Variants in CSAD observed in about 807,000 individuals in gnomAD.
CSAD encodes the protein cysteine sulfinic acid decarboxylase, also known as P-selectin cytoplasmic tail-associated protein.
Under a neutral mutation model 61.5 loss-of-function variants are expected in CSAD, and 47 were observed. The ratio of observed to expected loss-of-function variants is 0.76; its 90% CI spans 0.60 to 0.97. The LOEUF (loss-of-function observed/expected upper bound fraction) is 0.97, where lower values mean the gene tolerates loss of function less well. Among genes scored for constraint, CSAD ranks in the 50% least tolerant of loss-of-function variants. The pLI is 0.00. For synonymous variants in CSAD, 245 were observed against 252.7 expected (o/e 0.97, Z 0.29); for missense variants, 611 against 643.6 (o/e 0.95, Z 0.55).
At chr12:53,161,215 GGGCCTT>G in intron 11 of CSAD, 24 bp from the exon 12 acceptor site, 1 of 1,614,078 alleles carries the variant, frequency 6.2e-7, no homozygotes. Flanking sequence ...GGAACAACGT[GGGCCTT>G]GGCCTTGGCT....
intron 10 of CSAD, among the ~76,000 whole-genome samples, chr12:53,163,441 C>T (rs1157991268): frequency 6.6e-6 from 1 of 152,094 alleles, no homozygotes; most frequent in Non-Finnish European, 1.5e-5. Context: ...TTCCATCAAA[C>T]ATTTAATGAA....
intron 13 of CSAD, 113 bp downstream of exon 13, chr12:53,160,650 C>T: frequency 2.1e-6 from 2 of 942,876 alleles, no homozygotes; most frequent in East Asian, 5.2e-5. Flanking sequence ...GATGCAGCTT[C>T]AGAAGGGATG....
At chr12:53,159,762 T>C in intron 15 of CSAD, 50 bp from the exon 16 acceptor site, 2 of 1,548,056 alleles carry the variant, frequency 1.3e-6, no homozygotes, top group East Asian at 2.3e-5. Flanking sequence ...GGGGGACCGT[T>C]TTCCCTCTCC....
At chr12:53,165,290 A>G (rs1939776552) in intron 10 of CSAD, among the ~76,000 whole-genome samples, 2 of 151,960 alleles carry the variant, frequency 1.3e-5, no homozygotes, top group African/African-American at 2.4e-5. Context: ...GCAGTGAACC[A>G]TGATCGCACC....
At position 53,180,825 on chromosome 12, in the gene CSAD, C is replaced by T; in HGVS notation, c.-184G>A. Reference sequence around the variant, plus strand: ...GCGCGGCCAGGGAGCCAGCGGGAGGCCGCGCCTGGCAGGTAGGAGCAAGCC... The same window carrying T: ...GCGCGGCCAGGGAGCCAGCGGGAGGTCGCGCCTGGCAGGTAGGAGCAAGCC... On this transcript the variant is annotated 5_prime_UTR_variant, in exon 1 of 17. Coordinates refer to ENST00000444623, the MANE Select transcript of CSAD (RefSeq NM_001244705.2). The T allele has an allele frequency of 7.9e-7, 1 of 1,271,154 alleles. No individual in the cohort carries two copies. Among genetic ancestry groups the T allele is most frequent in the East Asian group, 6.5e-5 (1 of 15,324 alleles). The allele number at this position is 1,271,154 out of a possible 1,614,324, so 78.7% of individuals were successfully genotyped here.
chr12:53,181,198 C>T (rs1941611950), upstream of CSAD: 12 of 985,326 alleles, frequency 1.2e-5, no homozygotes, highest in Middle Eastern at 5.2e-4. Context: ...GCCTGCCTGT[C>T]CTCCACCTCC....
At chr12:53,162,703 G>C (rs771517056) in intron 10 of CSAD, among the ~76,000 whole-genome samples, 1 of 151,482 alleles carries the variant, frequency 6.6e-6, no homozygotes, top group Non-Finnish European at 1.5e-5. Context: ...CAGGAGAATT[G>C]CTTGAGCCTA....
At chr12:53,180,548 C>T in intron 1 of CSAD, 184 bp downstream of exon 1, 1 of 1,279,452 alleles carries the variant, frequency 7.8e-7, no homozygotes, top group Non-Finnish European at 1.0e-6. Context: ...GCCCTCGGCG[C>T]ACGGCGCCGC....
chr12:53,170,035 G>A (rs950215186), intron 10 of CSAD, 37 bp downstream of exon 10: 1 of 1,580,306 alleles, frequency 6.3e-7, no homozygotes, highest in Non-Finnish European at 8.7e-7. Context: ...CAAGACAGTT[G>A]GAGGCTATAT....
upstream of CSAD, chr12:53,181,250 C>A: frequency 1.0e-6 from 1 of 985,450 alleles, no homozygotes; most frequent in Non-Finnish European, 1.2e-6. Flanking sequence ...GGAGAACGCA[C>A]ACGTGTGGGC....
chr12:53,160,139 GGTCGAT>G lies in CSAD; in HGVS notation c.1141_1146del (p.Ile381_Asp382del). 6.2e-7 allele frequency: 1 copy of G among 1,613,522 alleles called. No individual in the cohort carries two copies. The highest frequency in any genetic ancestry group is 8.5e-7 in the Non-Finnish European group (1 of 1,180,036). ...GCCTACCGGGCAAGGACAAAGGCCT[GGTCGAT>G]GCGCCGCTCCAGCCCTTGATCGCCC... is the stretch of plus-strand genomic sequence containing the variant. On this transcript the variant is annotated inframe_deletion, in exon 14 of 17. Transcript: ENST00000444623.
At chr12:53,165,119 G>C (rs1017372982) in intron 10 of CSAD, among the ~76,000 whole-genome samples, 4 of 152,064 alleles carry the variant, frequency 2.6e-5, no homozygotes, top group African/African-American at 9.7e-5. Context: ...TAGGAGTTTT[G>C]AGACCAGCCT....
rs762684568 is a variant in CSAD at position 53,170,088 on chromosome 12, C to G, written c.686G>C (p.Gly229Ala). Residue 229 changes from glycine to alanine, a missense_variant, in exon 10 of 17, where the codon GGT becomes GCT. By Grantham distance (60) the Gly-to-Ala change is moderately conservative (BLOSUM62 0). Coordinates refer to ENST00000444623, the MANE Select transcript of CSAD (RefSeq NM_001244705.2). ...MVPEDLERQI[G>A]MAEAEGAVPF... ...CTGACTCACCTCAGCCTCGGCCATA[C>G]CAATCTGCCTCTCCAGATCCTCGGG... is the stretch of plus-strand genomic sequence containing the variant. 1.9e-6 allele frequency: 3 copies of G among 1,614,132 alleles called. No individual in the cohort carries two copies. The highest frequency in any genetic ancestry group is 2.5e-6 in the Non-Finnish European group (3 of 1,180,004).
rs137900324 is a variant in CSAD at position 53,179,621 on chromosome 12, TTTCAATG to T, written c.-90-486_-90-480del. ...TGATCCTAAAACACAAAAAACGTAC[TTTCAATG>T]GCCCAAATCATGGAGTGGCTCAGGG... On this transcript the variant is annotated intron_variant, in intron 1 of 16. Transcript: ENST00000444623. The T allele has an allele frequency of 8.9e-3, 5,833 of 657,058 alleles. 254 individuals are homozygous for T. The African/African-American group carries it at 0.094, about 11-fold the overall frequency. The allele number at this position is 657,058 out of a possible 1,614,324, so 40.7% of individuals were successfully genotyped here. A position where few individuals can be genotyped will look rare whatever the true frequency, so the allele number is the denominator to read the frequency against.
chr12:53,161,749 G>C (rs1482534691), intron 10 of CSAD, among the ~76,000 whole-genome samples: 1 of 152,104 alleles, frequency 6.6e-6, no homozygotes, highest in Non-Finnish European at 1.5e-5. Context: ...CTGAGGCCAG[G>C]AGTTCAAGAC....
At chr12:53,180,510 G>A in intron 1 of CSAD, 2 of 1,264,960 alleles carry the variant, frequency 1.6e-6, no homozygotes, top group Non-Finnish European at 2.0e-6. Context: ...CACGGCGCAC[G>A]CGCCGGCCTC....
chr12:53,159,516 G>A lies in CSAD; in HGVS notation c.1308+107C>T, dbSNP rs990457459. 9 of 875,902 alleles carry A rather than the reference G, an allele frequency of 1.0e-5. No individual in the cohort carries two copies. In the African/African-American group the frequency reaches 1.5e-4, roughly 15 times the overall value. The allele number at this position is 875,902 out of a possible 1,614,324, so 54.3% of individuals were successfully genotyped here. On this transcript the variant is annotated intron_variant, in intron 16 of 16. Coordinates refer to ENST00000444623, the MANE Select transcript of CSAD (RefSeq NM_001244705.2). ...AGAGAGCATCCACGCCTCAGAGCAA[G>A]AGACCAGCAAGGAGACCTGCCATGC...
Position 53,171,929 on chromosome 12 carries a change from A to C in CSAD, c.404T>G (p.Leu135Arg). 1.2e-6 allele frequency: 2 copies of C among 1,613,826 alleles called. No individual in the cohort carries two copies. The change falls in exon 7 of 17, where the codon CTG (leucine) becomes CGG (arginine). Residue 135 changes from leucine (L) to arginine (R), a missense_variant. Coordinates refer to ENST00000444623, the MANE Select transcript of CSAD (RefSeq NM_001244705.2). ...VLMEEEVLRKLRALVGWSSGD... is the reference protein window; with the variant it reads ...VLMEEEVLRKRRALVGWSSGD... ...AGAGCTCCAGCCCACCAGGGCCCGC[A>C]GTTTCCTCAGCACCTCCTCTTCCAT...
At position 53,160,613 on chromosome 12, in the gene CSAD, C is replaced by T. The variant is rs560788355; in HGVS notation, c.966+150G>A. The T allele has an allele frequency of 8.1e-5, 60 of 739,302 alleles. No homozygotes were observed. In the African/African-American group the frequency reaches 9.0e-4, roughly 11 times the overall value. 45.8% of individuals were successfully genotyped at this position (739,302 alleles called of 1,614,324 possible). A position where few individuals can be genotyped will look rare whatever the true frequency, so the allele number is the denominator to read the frequency against. On this transcript the variant is annotated intron_variant, in intron 13 of 16. Coordinates refer to ENST00000444623, the MANE Select transcript of CSAD (RefSeq NM_001244705.2). ...AGAGGCCACTGGGGGAGTGAAGGAG[C>T]CTAATACAGGTTAGGGTGGTAGCTG...
Sources: gnomAD v4.1 joint callset for allele counts (sites outside exome capture counted in the v4.1 genomes callset) on GRCh38, gnomAD v4.1.1 for gene constraint, MANE v1.5 for transcripts, NCBI Gene and HGNC (gene_info 2026-07-23, HGNC 2026-07-21) for gene names.